BMPER: variants seen among roughly 807,000 people sequenced by gnomAD.
BMPER encodes the protein BMP-binding endothelial regulator protein.
In BMPER, 45 loss-of-function variants were observed where a neutral mutation model predicts 87.3. That is an observed-to-expected ratio of 0.52 (90% CI 0.41 to 0.66). BMPER has a LOEUF of 0.66. Among genes scored for constraint, BMPER ranks in the 30% least tolerant of loss-of-function variants. The probability of loss-of-function intolerance (pLI) is 0.00; values close to 1 mark genes in which losing one functional copy is unlikely to be tolerated. For missense variants in BMPER, 784 were observed against 867.5 expected, an observed-to-expected ratio of 0.90 and a Z score of 1.21; for synonymous variants, 326 against 316.2, an observed-to-expected ratio of 1.03 and a Z score of -0.33.
intron 9 of BMPER, among the ~76,000 whole-genome samples, chr7:34,056,606 G>A (rs1788291635): frequency 6.7e-6 from 1 of 149,206 alleles, no homozygotes; most frequent in Non-Finnish European, 1.5e-5. Flanking sequence ...ATGGTGCTGT[G>A]TGCAATGCAC....
chr7:33,907,514 T>G (rs1783852749), intron 2 of BMPER, among the ~76,000 whole-genome samples: 1 of 152,326 alleles, frequency 6.6e-6, no homozygotes, highest in South Asian at 2.1e-4. Context: ...GTCAGCTGCT[T>G]AGTTAACACT....
chr7:34,034,286 C>T (rs1186706696), intron 6 of BMPER, among the ~76,000 whole-genome samples: 1 of 152,126 alleles, frequency 6.6e-6, no homozygotes, highest in African/African-American at 2.4e-5. Context: ...AGAGAATATG[C>T]CTTGTGGATT....
chr7:34,078,827 AC>A (rs756385477), intron 11 of BMPER, 29 bp from the exon 12 acceptor site: 6 of 1,610,702 alleles, frequency 3.7e-6, no homozygotes, highest in East Asian at 4.5e-5. Flanking sequence ...TTGGTTTGTG[AC>A]CCGGCTTTTG....
chr7:33,961,242 G>C (rs770367408), intron 3 of BMPER, among the ~76,000 whole-genome samples: 3 of 152,140 alleles, frequency 2.0e-5, no homozygotes, highest in Admixed American at 6.6e-5. Flanking sequence ...GCCAGGCCCG[G>C]GATATCTTTG....
intron 3 of BMPER, among the ~76,000 whole-genome samples, chr7:33,955,716 A>G (rs1291741227): frequency 1.3e-5 from 2 of 152,216 alleles, no homozygotes. Context: ...AGACAAGCTT[A>G]TTCTAAAATT....
In BMPER at chr7:33,946,464, G is replaced by T. The variant is rs192299756; in HGVS notation, c.319+9076G>T. The stretch of plus-strand genomic sequence containing the variant: ...AAGGTAATCACATTCAAAAAGGGCT[G>T]CTCTGCACAAGGCTCCCGGGTGAAG... On this transcript the variant is annotated intron_variant, in intron 3 of 14. Coordinates refer to ENST00000649409, the MANE Select transcript of BMPER (RefSeq NM_001365308.1). Among the ~76,000 whole-genome samples the T allele has an allele frequency of 2.0e-4, 31 of 152,298 alleles. No homozygotes were observed. The East Asian group carries it at 6.0e-3, about 29-fold the overall frequency.
At chr7:34,148,677 C>G (rs772420458) in intron 14 of BMPER, among the ~76,000 whole-genome samples, 1 of 151,952 alleles carries the variant, frequency 6.6e-6, no homozygotes, top group Non-Finnish European at 1.5e-5. Context: ...GAGGGACATA[C>G]CAGTCCTTAA....
At chr7:34,043,469 A>G (rs1013730826) in intron 6 of BMPER, among the ~76,000 whole-genome samples, 8 of 152,170 alleles carry the variant, frequency 5.3e-5, no homozygotes, top group Non-Finnish European at 1.0e-4. Context: ...GGCACATCTC[A>G]CTGCAAGAGA....
At chr7:34,021,942 C>G (rs990636500) in intron 6 of BMPER, among the ~76,000 whole-genome samples, 1 of 151,998 alleles carries the variant, frequency 6.6e-6, no homozygotes, top group Non-Finnish European at 1.5e-5. Flanking sequence ...GTGGACTGTA[C>G]AGACTCCTGC....
chr7:33,954,655 T>C (rs1286702389), intron 3 of BMPER, among the ~76,000 whole-genome samples: 5 of 152,226 alleles, frequency 3.3e-5, no homozygotes, highest in African/African-American at 1.2e-4. Flanking sequence ...AGTATAAGCC[T>C]TTGTTGATAA....
chr7:34,103,269 C>T (rs1212305570), intron 13 of BMPER, among the ~76,000 whole-genome samples: 1 of 152,100 alleles, frequency 6.6e-6, no homozygotes, highest in East Asian at 1.9e-4. Context: ...AGTTAATGCC[C>T]AACTATTGAA....
chr7:33,908,219 C>CT (rs568488643), intron 2 of BMPER, among the ~76,000 whole-genome samples: 54 of 152,018 alleles, frequency 3.6e-4, no homozygotes, highest in Middle Eastern at 6.8e-3. Flanking sequence ...TTTAATCTTC[C>CT]TTTTTTATTT....
At position 33,920,158 on chromosome 7, in the gene BMPER, C is replaced by T. The variant is rs182476046; in HGVS notation, c.219+13255C>T. Among the ~76,000 whole-genome samples, 12 of 152,260 alleles carry T rather than the reference C, an allele frequency of 7.9e-5. No homozygotes were observed. In the East Asian group the frequency reaches 1.9e-3, roughly 25 times the overall value. ...ATCTATCCCCTTCCCTGGGCCTCTG[C>T]CCCTTCCTCCCTCAAGTAGCCAATT... On this transcript the variant is annotated intron_variant, in intron 2 of 14. Transcript: ENST00000649409.
intron 6 of BMPER, among the ~76,000 whole-genome samples, chr7:34,028,599 C>CTTTTTTTTTTT (rs1787425304): frequency 8.5e-5 from 1 of 11,720 alleles, no homozygotes; most frequent in Non-Finnish European, 2.0e-4. Flanking sequence ...ATCATTTTTT[C>CTTTTTTTTTTT]TGTTTTTTTT....
At position 33,994,731 on chromosome 7, in the gene BMPER, T is replaced by C. The variant is rs568236107; in HGVS notation, c.576+19947T>C. Among the ~76,000 whole-genome samples the C allele has an allele frequency of 2.4e-4, 36 of 152,322 alleles. No individual in the cohort carries two copies. In the South Asian group the frequency reaches 3.1e-3, roughly 13 times the overall value. On this transcript the variant is annotated intron_variant, in intron 6 of 14. Coordinates refer to ENST00000649409, the MANE Select transcript of BMPER (RefSeq NM_001365308.1). ...GATTCTATGTGCCATGGGGGGATTG[T>C]TGTGAACAAAAGGCCATTGTCCTGG...
chr7:33,995,283 A>C (rs764558336), intron 6 of BMPER, among the ~76,000 whole-genome samples: 1 of 152,166 alleles, frequency 6.6e-6, no homozygotes, highest in Non-Finnish European at 1.5e-5. Context: ...GATAAAGAGC[A>C]AGAGGCTCTC....
intron 12 of BMPER, among the ~76,000 whole-genome samples, chr7:34,082,665 A>G (rs1489829532): frequency 6.6e-6 from 1 of 152,204 alleles, no homozygotes; most frequent in Admixed American, 6.5e-5. Context: ...TTCAAAGTGT[A>G]TGGACCACCA....
intron 2 of BMPER, among the ~76,000 whole-genome samples, chr7:33,918,230 A>C (rs1001999250): frequency 6.6e-6 from 1 of 152,240 alleles, no homozygotes; most frequent in Non-Finnish European, 1.5e-5. Context: ...GGACTGTAGC[A>C]ATAACATTAA....
At position 33,995,789 on chromosome 7, in the gene BMPER, T is replaced by C. The variant is rs897355591; in HGVS notation, c.576+21005T>C. Among the ~76,000 whole-genome samples, 20 of 152,332 alleles carry C rather than the reference T, an allele frequency of 1.3e-4. No homozygotes were observed. The Middle Eastern group carries it at 0.014, about 104-fold the overall frequency. Reference sequence around the variant, plus strand: ...TTGTACAAAAGAGGCCTGAATTTTCTATGAATTGGGGTCCCATGTTCAGAG... The same window carrying C: ...TTGTACAAAAGAGGCCTGAATTTTCCATGAATTGGGGTCCCATGTTCAGAG... On this transcript the variant is annotated intron_variant, in intron 6 of 14. Coordinates refer to ENST00000649409, the MANE Select transcript of BMPER (RefSeq NM_001365308.1).
Sources: gnomAD v4.1 joint callset for allele counts (sites outside exome capture counted in the v4.1 genomes callset) on GRCh38, gnomAD v4.1.1 for gene constraint, MANE v1.5 for transcripts, NCBI Gene and HGNC (gene_info 2026-07-23, HGNC 2026-07-21) for gene names.